The following MON2 variants were observed in gnomAD, a reference collection of about 807,000 sequenced individuals.
MON2 encodes the protein protein MON2 homolog.
A neutral mutation model predicts 208.6 loss-of-function variants in MON2; 84 were observed. The observed-to-expected ratio is 0.40, with a 90% CI of 0.34 to 0.48. The LOEUF is 0.48. MON2 is among the 20% of genes least tolerant of loss of function. The pLI is 0.59. For missense variants in MON2, 1,611 were observed against 2,015.4 expected (o/e 0.80, Z 3.84); for synonymous variants, 660 against 694.0 (o/e 0.95, Z 0.77).
At chr12:62,527,631 C>CAT (rs2072400993) in intron 11 of MON2, among the ~76,000 whole-genome samples, 1 of 151,950 alleles carries the variant, frequency 6.6e-6, no homozygotes, top group Admixed American at 6.6e-5. Context: ...TTTTTGCCTT[C>CAT]ATAGAGCTTA....
At chr12:62,504,481 T>A (rs1182197276) in intron 7 of MON2, among the ~76,000 whole-genome samples, 1 of 152,070 alleles carries the variant, frequency 6.6e-6, no homozygotes, top group African/African-American at 2.4e-5. Flanking sequence ...TCTCCTGACC[T>A]CGTGATCTGC....
At chr12:62,557,152 G>A (rs1163504977) in intron 25 of MON2, among the ~76,000 whole-genome samples, 2 of 152,044 alleles carry the variant, frequency 1.3e-5, no homozygotes, top group South Asian at 2.1e-4. Context: ...TTTAATTCAT[G>A]ATTTGACATG....
chr12:62,504,271 A>G (rs2070991659), intron 7 of MON2, among the ~76,000 whole-genome samples: 1 of 129,008 alleles, frequency 7.8e-6, no homozygotes, highest in South Asian at 2.3e-4. Flanking sequence ...TTGAGACAGC[A>G]TCTTGCTCTG....
Position 62,545,019 on chromosome 12 carries a change from CCTTA to C in MON2, c.2577+15_2577+18del, listed in dbSNP as rs1272578008. 10 of 1,517,548 alleles carry C rather than the reference CCTTA, an allele frequency of 6.6e-6. No individual in the cohort carries two copies. The highest frequency in any genetic ancestry group is 8.0e-6 in the Non-Finnish European group (9 of 1,120,450). 94.0% of individuals were successfully genotyped at this position (1,517,548 alleles called of 1,614,324 possible). ...CTCTCACAAAACCAGGTAATAAAAACCTTACTTTTTAAAAAGAATACTCAATATA... is the reference window on the plus strand; with the variant it reads ...CTCTCACAAAACCAGGTAATAAAAACCTTTTTAAAAAGAATACTCAATATA... On this transcript the variant is annotated intron_variant, in intron 21 of 34. Coordinates refer to ENST00000393630, the MANE Select transcript of MON2 (RefSeq NM_015026.3).
chr12:62,532,207 A>G (rs543727856), intron 11 of MON2, among the ~76,000 whole-genome samples: 18 of 152,332 alleles, frequency 1.2e-4, no homozygotes, highest in Middle Eastern at 3.4e-3. Context: ...TGAGAAGTAA[A>G]TTATTAAAAT....
chr12:62,595,708 A>C lies in MON2; in HGVS notation c.*2959A>C, dbSNP rs1232686318. On this transcript the variant is annotated 3_prime_UTR_variant, in exon 35 of 35. Transcript: ENST00000393630. Reference sequence around the variant, plus strand: ...TTAGTATTTCTTTATAACTAGTGTTAAGGTTTTGTTAATTTTATTGTATAC... The same window carrying C: ...TTAGTATTTCTTTATAACTAGTGTTCAGGTTTTGTTAATTTTATTGTATAC... 1 of 152,248 alleles carries C rather than the reference A, an allele frequency of 6.6e-6. No individual in the cohort carries two copies. The highest frequency in any genetic ancestry group is 1.5e-5 in the Non-Finnish European group (1 of 68,050). The allele number at this position is 152,248 out of a possible 1,614,324, so 9.4% of individuals were successfully genotyped here. A position where few individuals can be genotyped will look rare whatever the true frequency, so the allele number is the denominator to read the frequency against.
chr12:62,472,681 C>G (rs547020568), intron 1 of MON2, among the ~76,000 whole-genome samples: 38 of 152,322 alleles, frequency 2.5e-4, no homozygotes, highest in African/African-American at 7.9e-4. Context: ...TATTTAGGGA[C>G]TGTGACTAAT....
Position 62,548,922 on chromosome 12 carries a change from A to G in MON2, c.2754-746A>G, listed in dbSNP as rs564006216. On this transcript the variant is annotated intron_variant, in intron 22 of 34. Coordinates refer to ENST00000393630, the MANE Select transcript of MON2 (RefSeq NM_015026.3). ...ATTTCTTTGGAGATTTAAATAAGATACAGTACGGATATAAAAGAATGAGGA... is the reference window on the plus strand; with the variant it reads ...ATTTCTTTGGAGATTTAAATAAGATGCAGTACGGATATAAAAGAATGAGGA... Among the ~76,000 whole-genome samples, 9 of 152,310 alleles carry G rather than the reference A, an allele frequency of 5.9e-5. No homozygotes were observed. In the South Asian group the frequency reaches 1.9e-3, roughly 32 times the overall value.
chr12:62,490,805 C>A (rs2070086843), intron 2 of MON2, among the ~76,000 whole-genome samples: 1 of 151,980 alleles, frequency 6.6e-6, no homozygotes, highest in South Asian at 2.1e-4. Context: ...ATGTTTGATT[C>A]CTTTGAATTA....
intron 8 of MON2, among the ~76,000 whole-genome samples, chr12:62,516,046 A>G (rs2071671606): frequency 6.6e-6 from 1 of 152,198 alleles, no homozygotes; most frequent in Non-Finnish European, 1.5e-5. Flanking sequence ...GAATGGATAG[A>G]GAAAAGTTAG....
chr12:62,469,632 G>C (rs146365633), intron 1 of MON2, among the ~76,000 whole-genome samples: 1 of 152,228 alleles, frequency 6.6e-6, no homozygotes, highest in East Asian at 1.9e-4. Context: ...GAAGTTTTAG[G>C]ACAAAGGTTT....
chr12:62,534,532 AAAAAAAAAAAATAT>A (rs1475756255), intron 12 of MON2, among the ~76,000 whole-genome samples: 16 of 49,500 alleles, frequency 3.2e-4, no homozygotes, highest in African/African-American at 1.1e-3. Flanking sequence ...AAAAAAAAAA[AAAAAAAAAAAATAT>A]ATATATATAT....
intron 6 of MON2, 85 bp from the exon 7 acceptor site, chr12:62,501,488 G>T (rs935182800): frequency 1.3e-6 from 2 of 1,494,536 alleles, no homozygotes; most frequent in African/African-American, 2.8e-5. Context: ...TAAGAAGATA[G>T]ATTTTTTTTA....
intron 7 of MON2, among the ~76,000 whole-genome samples, chr12:62,503,841 A>G (rs1312439037): frequency 1.3e-5 from 2 of 152,042 alleles, no homozygotes; most frequent in Non-Finnish European, 2.9e-5. Context: ...TCAATCGTCA[A>G]CTTACCAGAC....
At chr12:62,468,663 T>C (rs2068629617) in intron 1 of MON2, among the ~76,000 whole-genome samples, 1 of 152,212 alleles carries the variant, frequency 6.6e-6, no homozygotes, top group South Asian at 2.1e-4. Context: ...TTTCACATAG[T>C]CAATAGTCTG....
chr12:62,561,302 G>T (rs948365227), intron 26 of MON2, among the ~76,000 whole-genome samples, 189 bp downstream of exon 26: 3 of 152,100 alleles, frequency 2.0e-5, no homozygotes, highest in African/African-American at 4.8e-5. Flanking sequence ...ATTTTGAAAG[G>T]TAATTCATGT....
chr12:62,588,852 C>G, intron 34 of MON2: 10 of 1,459,244 alleles, frequency 6.9e-6, no homozygotes, highest in Non-Finnish European at 8.3e-6. Context: ...ATTTCATTAT[C>G]CAGCTTGTAT....
rs191340144 is a variant in MON2, at chr12:62,571,269, A to T, written c.4324-123A>T. The T allele has an allele frequency of 6.7e-4, 510 of 757,774 alleles. 5 individuals carry two copies. The African/African-American group carries it at 8.2e-3, about 12-fold the overall frequency. 46.9% of individuals were successfully genotyped at this position (757,774 alleles called of 1,614,324 possible). A position where few individuals can be genotyped will look rare whatever the true frequency, so the allele number is the denominator to read the frequency against. On this transcript the variant is annotated intron_variant, in intron 29 of 34. Coordinates refer to ENST00000393630, the MANE Select transcript of MON2 (RefSeq NM_015026.3). ...TGCGAAATAACATCCTTTTTAAATG[A>T]AAATACCATCCTTTTTAAGATGAAA... is the stretch of plus-strand genomic sequence containing the variant.
intron 8 of MON2, among the ~76,000 whole-genome samples, chr12:62,511,046 C>A (rs2136122582): frequency 6.6e-6 from 1 of 152,140 alleles, no homozygotes; most frequent in African/African-American, 2.4e-5. Flanking sequence ...TAGGCATAAA[C>A]TTAACCAAGA....
Sources: allele counts gnomAD v4.1 joint callset (sites outside exome capture counted in the v4.1 genomes callset), GRCh38; gene constraint gnomAD v4.1.1; transcripts MANE v1.5; gene names NCBI Gene and HGNC (gene_info 2026-07-23, HGNC 2026-07-21).